FAM171A1: variants seen among roughly 807,000 people sequenced by gnomAD.
FAM171A1 encodes family with sequence similarity 171 member A1, also known as protein FAM171A1.
In FAM171A1, 23 loss-of-function variants were observed where a neutral mutation model predicts 74.9. That is an observed-to-expected ratio of 0.31 (90% CI 0.22 to 0.44). The LOEUF (loss-of-function observed/expected upper bound fraction) is 0.44, where lower values mean the gene tolerates loss of function less well. Among genes scored for constraint, FAM171A1 ranks in the 20% least tolerant of loss-of-function variants. The pLI, the probability that FAM171A1 is intolerant of heterozygous loss-of-function variation, is 1.00. For missense variants in FAM171A1, 1,162 were observed against 1,159.2 expected (o/e 1.00, Z -0.03); for synonymous variants, 527 against 505.7 (o/e 1.04, Z -0.57).
At chr10:15,236,843 G>A (rs1834297281) in intron 5 of FAM171A1, among the ~76,000 whole-genome samples, 1 of 151,230 alleles carries the variant, frequency 6.6e-6, no homozygotes, top group South Asian at 2.1e-4. Flanking sequence ...TGTAATCCCA[G>A]CACTTTGGGA....
At chr10:15,278,774 T>C (rs1834928446) in intron 2 of FAM171A1, among the ~76,000 whole-genome samples, 1 of 151,870 alleles carries the variant, frequency 6.6e-6, no homozygotes, top group Non-Finnish European at 1.5e-5. Context: ...GAGTTGGTGC[T>C]AATAGGTATG....
intron 1 of FAM171A1, among the ~76,000 whole-genome samples, chr10:15,295,105 T>C (rs1835145403): frequency 1.3e-5 from 2 of 152,118 alleles, no homozygotes; most frequent in Admixed American, 1.3e-4. Flanking sequence ...TTATTTTTAT[T>C]TTTTTATTTT....
intron 1 of FAM171A1, among the ~76,000 whole-genome samples, chr10:15,357,718 G>C (rs796729092): frequency 1.3e-5 from 2 of 152,150 alleles, no homozygotes; most frequent in African/African-American, 4.8e-5. Context: ...ACTTTAAAAG[G>C]CACAGAATAT....
intron 1 of FAM171A1, among the ~76,000 whole-genome samples, chr10:15,294,393 T>G (rs746635314): frequency 4.6e-5 from 7 of 152,188 alleles, no homozygotes; most frequent in Non-Finnish European, 1.0e-4. Context: ...CGGGAGTGTG[T>G]GCTCACACCT....
At chr10:15,309,620 T>C (rs1437026064) in intron 1 of FAM171A1, among the ~76,000 whole-genome samples, 1 of 152,262 alleles carries the variant, frequency 6.6e-6, no homozygotes, top group Non-Finnish European at 1.5e-5. Context: ...ATTCAAAGTC[T>C]TGGCCGACAA....
intron 1 of FAM171A1, among the ~76,000 whole-genome samples, chr10:15,303,198 A>G (rs1471898522): frequency 1.3e-5 from 2 of 152,178 alleles, no homozygotes; most frequent in African/African-American, 4.8e-5. Flanking sequence ...TCAAAAAAAA[A>G]GTCCTGATTT....
chr10:15,343,231 C>T (rs1039835028), intron 1 of FAM171A1, among the ~76,000 whole-genome samples: 43 of 152,168 alleles, frequency 2.8e-4, no homozygotes, highest in African/African-American at 9.9e-4. Flanking sequence ...TAGCTGAGTG[C>T]AGTAGCATGT....
At chr10:15,300,129 A>G (rs1333210464) in intron 1 of FAM171A1, among the ~76,000 whole-genome samples, 1 of 152,232 alleles carries the variant, frequency 6.6e-6, no homozygotes, top group Non-Finnish European at 1.5e-5. Flanking sequence ...GCGGTGCTTA[A>G]ATCATATACA....
intron 2 of FAM171A1, among the ~76,000 whole-genome samples, chr10:15,280,653 G>A (rs185641789): frequency 8.5e-5 from 13 of 152,288 alleles, no homozygotes; most frequent in Admixed American, 6.5e-4. Flanking sequence ...CCGTTTCTGG[G>A]TTTCGTAAGA....
chr10:15,300,792 A>T (rs537515170), intron 1 of FAM171A1, among the ~76,000 whole-genome samples: 1 of 152,260 alleles, frequency 6.6e-6, no homozygotes, highest in East Asian at 1.9e-4. Flanking sequence ...ATGGAGCTCT[A>T]GTGAGATCTC....
At chr10:15,277,040 T>C (rs1412249688) in intron 2 of FAM171A1, among the ~76,000 whole-genome samples, 2 of 152,234 alleles carry the variant, frequency 1.3e-5, no homozygotes, top group Admixed American at 6.5e-5. Flanking sequence ...TAAAAAATTT[T>C]AGAAACCCCA....
chr10:15,231,475 CTACAGGTGTGA>C (rs1834204382), intron 5 of FAM171A1, among the ~76,000 whole-genome samples: 1 of 152,084 alleles, frequency 6.6e-6, no homozygotes, highest in Non-Finnish European at 1.5e-5. Flanking sequence ...AATGCTGGGA[CTACAGGTGTGA>C]GCCACCGTGC....
At chr10:15,267,684 A>C (rs143384862) in intron 3 of FAM171A1, among the ~76,000 whole-genome samples, 238 of 144,862 alleles carry the variant, frequency 1.6e-3, no homozygotes, top group African/African-American at 5.5e-3. Flanking sequence ...AGGAGACTGC[A>C]GGGGGCACCC....
At chr10:15,284,139 G>T in intron 1 of FAM171A1, 34 bp from the exon 2 acceptor site, 5 of 1,588,948 alleles carry the variant, frequency 3.1e-6, no homozygotes, top group Non-Finnish European at 4.3e-6. Context: ...AACAGCTACT[G>T]TCAATGGGAA....
At chr10:15,283,024 G>C (rs886943248) in intron 2 of FAM171A1, among the ~76,000 whole-genome samples, 6 of 152,194 alleles carry the variant, frequency 3.9e-5, no homozygotes, top group Admixed American at 6.5e-5. Context: ...GCAGCAATTT[G>C]AACTAAATAT....
intron 5 of FAM171A1, among the ~76,000 whole-genome samples, chr10:15,247,829 G>A (rs895697071): frequency 2.6e-5 from 4 of 152,160 alleles, no homozygotes; most frequent in Admixed American, 6.5e-5. Context: ...GCAAACTACC[G>A]TGTAGTAAGC....
intron 1 of FAM171A1, among the ~76,000 whole-genome samples, chr10:15,326,502 A>G (rs1045214945): frequency 4.0e-5 from 6 of 151,530 alleles, no homozygotes; most frequent in Non-Finnish European, 8.8e-5. Flanking sequence ...TTTAGTAGAG[A>G]TGGGGTTTTG....
In FAM171A1 at chr10:15,336,908, T is replaced by C. The variant is rs556946032; in HGVS notation, c.97+34048A>G. Among the ~76,000 whole-genome samples the C allele has an allele frequency of 6.6e-5, 10 of 152,138 alleles. No individual in the cohort carries two copies. The South Asian group carries it at 2.1e-3, about 32-fold the overall frequency. On this transcript the variant is annotated intron_variant, in intron 1 of 7. Transcript: ENST00000378116. ...TACCATGAATTTTCTTTCTTTCTTTTTTTTTTGAGACAGGCTCTTGCCCTG... is the reference window on the plus strand; with the variant it reads ...TACCATGAATTTTCTTTCTTTCTTTCTTTTTTGAGACAGGCTCTTGCCCTG...
intron 5 of FAM171A1, among the ~76,000 whole-genome samples, chr10:15,227,202 T>C (rs557162191): frequency 2.0e-5 from 3 of 152,314 alleles, no homozygotes; most frequent in Admixed American, 6.5e-5. Context: ...AGTTTCACCA[T>C]GTTGGCCAGG....
Sources: allele counts gnomAD v4.1 joint callset (sites outside exome capture counted in the v4.1 genomes callset), GRCh38; gene constraint gnomAD v4.1.1; transcripts MANE v1.5; gene names NCBI Gene and HGNC (gene_info 2026-07-23, HGNC 2026-07-21).